DOCK2: variants seen among roughly 807,000 people sequenced by gnomAD.
DOCK2 encodes the protein dedicator of cytokinesis protein 2.
In DOCK2, 87 loss-of-function variants were observed where a neutral mutation model predicts 248.9. That is an observed-to-expected ratio of 0.35 (90% CI 0.29 to 0.42). The LOEUF (loss-of-function observed/expected upper bound fraction) is 0.42. Ranked by LOEUF, DOCK2 falls within the 10% of genes least tolerant of loss-of-function variation. DOCK2 has a pLI of 1.00. For synonymous variants in DOCK2, 805 were observed against 821.6 expected, an observed-to-expected ratio of 0.98 and a Z score of 0.35; for missense variants, 1,747 against 2,300.2, an observed-to-expected ratio of 0.76 and a Z score of 4.92.
At chr5:169,820,782 G>A (rs989765410) in intron 26 of DOCK2, among the ~76,000 whole-genome samples, 13 of 152,194 alleles carry the variant, frequency 8.5e-5, no homozygotes, top group South Asian at 2.1e-4. Context: ...TGACTTTGAC[G>A]AGCTGAGAGA....
At chr5:169,696,454 G>A (rs971978875) in intron 10 of DOCK2, among the ~76,000 whole-genome samples, 2 of 152,004 alleles carry the variant, frequency 1.3e-5, no homozygotes, top group African/African-American at 4.8e-5. Flanking sequence ...GCTCTCCTGG[G>A]GTTTCTAAGG....
rs5873201 is a variant in DOCK2 at position 169,990,088 on chromosome 5, G to GT, written c.2993+4177dup. Among the ~76,000 whole-genome samples, 105 of 148,810 alleles carry GT rather than the reference G, an allele frequency of 7.1e-4. 1 individual carries two copies. Among genetic ancestry groups the GT allele is most frequent in the Non-Finnish European group, 1.2e-3 (81 of 67,406 alleles). ...TCCAGAAAGAAAGAACCCTCTTAAT[G>GT]TTTTTTTTTTTCTTCTTCTTTTTCT... On this transcript the variant is annotated intron_variant, in intron 29 of 51. Coordinates refer to ENST00000520908, the MANE Select transcript of DOCK2 (RefSeq NM_004946.3).
rs373783516 is a variant in DOCK2 at position 169,997,076 on chromosome 5, AG to A, written c.3072+917del. ...CATCATTTGTGGGTGTTTCTCGAAG[AG>A]GGGGATGTGTCAGGGTCACAAGACA... On this transcript the variant is annotated intron_variant, in intron 30 of 51. Transcript: ENST00000520908. Among the ~76,000 whole-genome samples, 39 of 151,804 alleles carry A rather than the reference AG, an allele frequency of 2.6e-4. No homozygotes were observed. In the South Asian group the frequency reaches 8.1e-3, roughly 32 times the overall value.
chr5:169,680,610 G>A (rs1008854218), intron 6 of DOCK2, among the ~76,000 whole-genome samples: 1 of 152,106 alleles, frequency 6.6e-6, no homozygotes, highest in African/African-American at 2.4e-5. Flanking sequence ...AGTCCCAGCT[G>A]CTCAGGAGGC....
At chr5:169,870,822 G>T (rs1486011673) in intron 27 of DOCK2, among the ~76,000 whole-genome samples, 2 of 152,160 alleles carry the variant, frequency 1.3e-5, no homozygotes, top group African/African-American at 4.8e-5. Flanking sequence ...AAGTCATACT[G>T]TAAGTTACAA....
intron 9 of DOCK2, among the ~76,000 whole-genome samples, chr5:169,693,967 G>C (rs75962938): frequency 0.064 from 9,748 of 152,214 alleles, 552 homozygotes; most frequent in African/African-American, 0.16. Flanking sequence ...TATTAATCAG[G>C]TCTACAAAAT....
intron 6 of DOCK2, among the ~76,000 whole-genome samples, chr5:169,677,030 G>A (rs2113327183): frequency 6.6e-6 from 1 of 152,290 alleles, no homozygotes; most frequent in African/African-American, 2.4e-5. Flanking sequence ...TTCTCACCCT[G>A]TTTCTCAGGT....
chr5:170,075,920 G>A, intron 46 of DOCK2, 27 bp from the exon 47 acceptor site: 1 of 1,613,066 alleles, frequency 6.2e-7, no homozygotes, highest in Non-Finnish European at 8.5e-7. Context: ...TCAGCCTCTG[G>A]CTCATTCTTT....
rs759798277 is a variant in DOCK2, at chr5:170,067,671, C to T, written c.4629C>T (p.Phe1543=). 17 of 1,613,982 alleles carry T rather than the reference C, an allele frequency of 1.1e-5. No individual in the cohort carries two copies. Among genetic ancestry groups the T allele is most frequent in the Middle Eastern group, 1.6e-4 (1 of 6,084 alleles). The change falls in exon 45 of 52, where the codon TTC becomes TTT. Residue 1543 remains phenylalanine (F), a synonymous_variant. Transcript: ENST00000520908. ...GIVDPAVMGG[F]AKYEKAFFTE... ...TGGACCCTGCTGTCATGGGAGGCTT[C>T]GCCAAGTATGAGAAGGTGAGGATTT...
At chr5:169,971,221 A>G (rs1249449791) in intron 27 of DOCK2, among the ~76,000 whole-genome samples, 1 of 151,212 alleles carries the variant, frequency 6.6e-6, no homozygotes, top group African/African-American at 2.4e-5. Flanking sequence ...TCATCTGGAA[A>G]ATTGCAAACC....
In DOCK2 at chr5:170,082,943, AG is replaced by A; in HGVS notation, c.*86del. The A allele has an allele frequency of 5.2e-6, 8 of 1,544,092 alleles. No individual in the cohort carries two copies. Among genetic ancestry groups the A allele is most frequent in the Non-Finnish European group, 7.1e-6 (8 of 1,122,014 alleles). On this transcript the variant is annotated 3_prime_UTR_variant, in exon 52 of 52. Transcript: ENST00000520908. The stretch of plus-strand genomic sequence containing the variant: ...GCCATGCGTGGAACATCGAAGCCTC[AG>A]AGAGTGGGAGACTGTCCCCATCAGT...
At chr5:170,011,511 C>T (rs544749959) in intron 32 of DOCK2, among the ~76,000 whole-genome samples, 2 of 152,132 alleles carry the variant, frequency 1.3e-5, no homozygotes, top group South Asian at 2.1e-4. Flanking sequence ...TTGACTGCAG[C>T]TGCCTTAATC....
intron 22 of DOCK2, among the ~76,000 whole-genome samples, chr5:169,743,849 CAT>C (rs1192365599): frequency 2.7e-5 from 4 of 147,632 alleles, no homozygotes; most frequent in Non-Finnish European, 6.0e-5. Flanking sequence ...TATTTTAAGA[CAT>C]ATAGATAATA....
At chr5:169,938,924 A>G (rs174215) in intron 27 of DOCK2, among the ~76,000 whole-genome samples, 67,797 of 145,150 alleles carry the variant, frequency 0.47, 15,643 homozygotes, top group South Asian at 0.66. Context: ...TTTTTTTTGA[A>G]ATGGAGTCTT....
intron 27 of DOCK2, among the ~76,000 whole-genome samples, chr5:169,931,377 A>G (rs1775745141): frequency 6.6e-6 from 1 of 152,214 alleles, no homozygotes; most frequent in Admixed American, 6.5e-5. Context: ...TTGCCTTGAT[A>G]TTGCCGCCTC....
chr5:169,714,786 C>A (rs181602727), intron 19 of DOCK2, among the ~76,000 whole-genome samples: 27 of 152,224 alleles, frequency 1.8e-4, no homozygotes, highest in Admixed American at 1.2e-3. Context: ...CTGTTATGAG[C>A]ATTCAAGGTG....
intron 38 of DOCK2, among the ~76,000 whole-genome samples, chr5:170,042,566 C>T (rs1756557453): frequency 6.6e-6 from 1 of 152,198 alleles, no homozygotes; most frequent in South Asian, 2.1e-4. Flanking sequence ...TGCTGGGGTC[C>T]CTCTTGCTCA....
chr5:170,014,615 G>A (rs981572604), intron 32 of DOCK2, among the ~76,000 whole-genome samples: 2 of 131,540 alleles, frequency 1.5e-5, no homozygotes, highest in East Asian at 5.0e-4. Flanking sequence ...ATGAGAAAGG[G>A]TTTACTTGCA....
chr5:169,862,435 T>G, intron 27 of DOCK2, among the ~76,000 whole-genome samples: 1 of 152,228 alleles, frequency 6.6e-6, no homozygotes, highest in Non-Finnish European at 1.5e-5. Context: ...TGATTTCACT[T>G]TATTGGATTA....
Sources: gnomAD v4.1 joint callset for allele counts (sites outside exome capture counted in the v4.1 genomes callset) on GRCh38, gnomAD v4.1.1 for gene constraint, MANE v1.5 for transcripts, NCBI Gene and HGNC (gene_info 2026-07-23, HGNC 2026-07-21) for gene names.